ATG7: variants seen among roughly 807,000 people sequenced by gnomAD.
ATG7 encodes the protein ubiquitin-like modifier-activating enzyme ATG7.
Under a neutral mutation model 82.4 loss-of-function variants are expected in ATG7, and 70 were observed. The observed-to-expected ratio is 0.85, with a 90% CI of 0.70 to 1.04. ATG7 has a LOEUF of 1.04. Among genes scored for constraint, ATG7 ranks in the 50% least tolerant of loss-of-function variants. The pLI is 0.00. For missense variants in ATG7, 792 were observed against 864.3 expected, an observed-to-expected ratio of 0.92 and a Z score of 1.05; for synonymous variants, 287 against 313.0, an observed-to-expected ratio of 0.92 and a Z score of 0.88.
At chr3:11,569,910 A>C in the ATG7 span, among the ~76,000 whole-genome samples, 1 of 152,210 alleles carries the variant, frequency 6.6e-6, no homozygotes, top group African/African-American at 2.4e-5. Context: ...GCACATCTTT[A>C]ATCTTAAAAA....
chr3:11,385,616 T>C (rs1234570203), intron 19 of ATG7, among the ~76,000 whole-genome samples: 3 of 152,122 alleles, frequency 2.0e-5, no homozygotes, highest in East Asian at 1.9e-4. Flanking sequence ...TACAGCAAGG[T>C]CTGTCCTCTT....
intron 11 of ATG7, among the ~76,000 whole-genome samples, chr3:11,338,572 C>T (rs1559424191): frequency 1.3e-5 from 2 of 152,022 alleles, no homozygotes; most frequent in Non-Finnish European, 2.9e-5. Flanking sequence ...CCTAGCTGCT[C>T]CGAAGGCTGA....
chr3:11,563,429 G>A, the ATG7 span, among the ~76,000 whole-genome samples: 19 of 152,188 alleles, frequency 1.2e-4, no homozygotes, highest in Non-Finnish European at 1.6e-4. Flanking sequence ...GTCGCACTGC[G>A]CACACGCCTC....
At chr3:11,419,621 GTGT>G (rs2081748155) in intron 19 of ATG7, among the ~76,000 whole-genome samples, 1 of 152,138 alleles carries the variant, frequency 6.6e-6, no homozygotes, top group Non-Finnish European at 1.5e-5. Flanking sequence ...TCATTATATG[GTGT>G]TGTCAGGAGA....
chr3:11,292,895 T>C lies in ATG7; in HGVS notation c.-10-5791T>C, dbSNP rs1945198972. On this transcript the variant is annotated intron_variant, in intron 3 of 20. Transcript: ENST00000693202. ...CAACCCTTGCTGCTGTGCCTAGTTT[T>C]GGTCTGTGTTCAGTAACTGTTAACC... 2.6e-5 allele frequency among the ~76,000 whole-genome samples: 4 copies of C among 152,226 alleles called. No individual in the cohort carries two copies. In the South Asian group the frequency reaches 8.3e-4, roughly 31 times the overall value.
Position 11,296,383 on chromosome 3 carries a change from G to T in ATG7, c.-10-2303G>T, listed in dbSNP as rs558685516. On this transcript the variant is annotated intron_variant, in intron 3 of 20. Transcript: ENST00000693202. Reference sequence around the variant, plus strand: ...AAGAGCTTTATTCTCTCTTTTCATTGCTTGAGTCCACCAAGATACCAAGTT... The same window carrying T: ...AAGAGCTTTATTCTCTCTTTTCATTTCTTGAGTCCACCAAGATACCAAGTT... Among the ~76,000 whole-genome samples, 18 of 151,738 alleles carry T rather than the reference G, an allele frequency of 1.2e-4. No individual in the cohort carries two copies. In the South Asian group the frequency reaches 3.3e-3, roughly 28 times the overall value.
the ATG7 span, among the ~76,000 whole-genome samples, chr3:11,567,187 CCCATGTAA>C: frequency 6.6e-6 from 1 of 152,076 alleles, no homozygotes; most frequent in African/African-American, 2.4e-5. Context: ...CCTCGGCGTC[CCCATGTAA>C]CCATGTGGTC....
At chr3:11,338,317 C>T (rs1452728103) in intron 11 of ATG7, among the ~76,000 whole-genome samples, 1 of 152,170 alleles carries the variant, frequency 6.6e-6, no homozygotes, top group Non-Finnish European at 1.5e-5. Flanking sequence ...CATAGTATTT[C>T]ATGGTGTGTG....
chr3:11,418,149 G>C (rs922687574), intron 19 of ATG7, among the ~76,000 whole-genome samples: 13 of 151,646 alleles, frequency 8.6e-5, no homozygotes, highest in African/African-American at 3.2e-4. Context: ...CTGTTGTCCA[G>C]GCTGGAGTGC....
chr3:11,276,275 C>A (rs1941779443), intron 1 of ATG7, among the ~76,000 whole-genome samples: 1 of 152,158 alleles, frequency 6.6e-6, no homozygotes, highest in Admixed American at 6.5e-5. Flanking sequence ...GCCTTTTATT[C>A]TAATTCTGTG....
At chr3:11,568,631 G>A in the ATG7 span, 19 of 1,569,384 alleles carry the variant, frequency 1.2e-5, no homozygotes, top group East Asian at 9.4e-5. The surrounding 1 kb of genome is among the most constrained non-coding windows in gnomAD (Gnocchi z 5.9). Flanking sequence ...CCTGGTTCCC[G>A]GAGCTTCAAG....
intron 5 of ATG7, among the ~76,000 whole-genome samples, chr3:11,305,547 C>G (rs1947584655): frequency 6.6e-6 from 1 of 152,244 alleles, no homozygotes; most frequent in Admixed American, 6.5e-5. Context: ...AACTGCTCTG[C>G]TTTCTTTGCC....
chr3:11,477,205 C>T, intron 20 of ATG7: 1 of 1,288,520 alleles, frequency 7.8e-7, no homozygotes, highest in Middle Eastern at 2.1e-4. Flanking sequence ...AAGAATCAAG[C>T]ACTTCTGTGA....
chr3:11,481,421 T>A (rs781706955), intron 20 of ATG7, among the ~76,000 whole-genome samples: 17 of 152,230 alleles, frequency 1.1e-4, no homozygotes, highest in Admixed American at 3.3e-4. Flanking sequence ...TTTCACATAT[T>A]TCCCCTAGCA....
chr3:11,359,276 TGTGA>T (rs1389752354), intron 15 of ATG7, among the ~76,000 whole-genome samples: 15 of 152,246 alleles, frequency 9.9e-5, no homozygotes, highest in African/African-American at 1.4e-4. Flanking sequence ...AGCTGCGGGT[TGTGA>T]GTGATTTTTG....
intron 20 of ATG7, among the ~76,000 whole-genome samples, chr3:11,535,572 G>A (rs1317380505): frequency 6.6e-6 from 1 of 152,170 alleles, no homozygotes; most frequent in Non-Finnish European, 1.5e-5. Flanking sequence ...GAACCGAGGG[G>A]ACAGCTACAA....
At chr3:11,457,658 A>T (rs1246401871) in intron 20 of ATG7, among the ~76,000 whole-genome samples, 1 of 152,214 alleles carries the variant, frequency 6.6e-6, no homozygotes, top group East Asian at 1.9e-4. Flanking sequence ...GCACAAAGTG[A>T]CTATACTAGT....
chr3:11,382,601 T>C (rs2077995295), intron 19 of ATG7, among the ~76,000 whole-genome samples: 1 of 152,188 alleles, frequency 6.6e-6, no homozygotes, highest in Non-Finnish European at 1.5e-5. Context: ...TTATTTGACG[T>C]TTATATGAGT....
intron 1 of ATG7, among the ~76,000 whole-genome samples, chr3:11,274,505 G>GGGCT (rs1941274553): frequency 6.6e-6 from 1 of 152,122 alleles, no homozygotes; most frequent in Non-Finnish European, 1.5e-5. Flanking sequence ...GATGAGCAAA[G>GGGCT]GGCTAGAGGT....
Sources: allele counts gnomAD v4.1 joint callset (sites outside exome capture counted in the v4.1 genomes callset), GRCh38; gene constraint gnomAD v4.1.1; non-coding constraint Gnocchi (gnomAD v3.1); transcripts MANE v1.5; gene names NCBI Gene and HGNC (gene_info 2026-07-23, HGNC 2026-07-21).